SCLY: variants seen among roughly 807,000 people sequenced by gnomAD.
The protein encoded by SCLY is selenocysteine lyase, also known as putative selenocysteine lyase.
In SCLY, 38 loss-of-function variants were observed where a neutral mutation model predicts 50.1. That is an observed-to-expected ratio of 0.76 (90% CI 0.59 to 0.99). SCLY has a LOEUF of 0.99. Among genes scored for constraint, SCLY ranks in the 50% least tolerant of loss-of-function variants. The pLI, the probability that SCLY is intolerant of heterozygous loss-of-function variation, is 0.00. For synonymous variants in SCLY, 243 were observed against 249.4 expected, an observed-to-expected ratio of 0.97 and a Z score of 0.24; for missense variants, 600 against 620.0, an observed-to-expected ratio of 0.97 and a Z score of 0.34.
chr2:238,089,525 A>G (rs2065340044), intron 7 of SCLY, among the ~76,000 whole-genome samples: 1 of 152,200 alleles, frequency 6.6e-6, no homozygotes, highest in African/African-American at 2.4e-5. Flanking sequence ...CCTTGACCCA[A>G]GTCTTACACC....
chr2:238,082,252 T>G (rs2065246226), intron 6 of SCLY, 43 bp downstream of exon 6: 1 of 1,533,382 alleles, frequency 6.5e-7, no homozygotes. Context: ...CAGAGCCTAC[T>G]GCGCAGGTGG....
At position 238,098,554 on chromosome 2, in the gene SCLY, A is replaced by C; in HGVS notation, c.*199A>C. The C allele has an allele frequency of 1.8e-5, 8 of 451,826 alleles. No homozygotes were observed. Among genetic ancestry groups the C allele is most frequent in the Non-Finnish European group, 2.3e-5 (7 of 301,844 alleles). The allele number at this position is 451,826 out of a possible 1,614,324, so 28.0% of individuals were successfully genotyped here. A position where few individuals can be genotyped will look rare whatever the true frequency, so the allele number is the denominator to read the frequency against. On this transcript the variant is annotated 3_prime_UTR_variant, in exon 12 of 12. Transcript: ENST00000254663. ...AGAGCTCACAGGGCCCAGGACACCA[A>C]CGCCGCATAGGACTGCCCACATGGG...
Position 238,069,455 on chromosome 2 carries a change from C to G in SCLY, c.462C>G (p.His154Gln). 6.2e-7 allele frequency: 1 copy of G among 1,612,618 alleles called. No individual in the cohort carries two copies. Among genetic ancestry groups the G allele is most frequent in the Non-Finnish European group, 8.5e-7 (1 of 1,179,318 alleles). Residue 154 changes from histidine (H) to glutamine (Q), a missense_variant, in exon 4 of 12, where the codon CAC becomes CAG. Coordinates refer to ENST00000254663, the MANE Select transcript of SCLY (RefSeq NM_016510.7). This position sits in a 1 kb window ranked among gnomAD's most constrained non-coding sequence, Gnocchi z 5.0. Reference protein sequence around the residue: ...EHDSIRLPLEHLVEEQVAAVT... With the variant: ...EHDSIRLPLEQLVEEQVAAVT... The stretch of plus-strand genomic sequence containing the variant: ...ACTCCATCCGGCTGCCCCTGGAGCA[C>G]CTGGTGGAAGAACAAGTGGCAGGTG...
chr2:238,082,674 T>A (rs1318525383), intron 6 of SCLY: 1 of 183,370 alleles, frequency 5.5e-6, no homozygotes, highest in African/African-American at 2.3e-5. Context: ...ATGGGGAAAA[T>A]AGTTAACAGT....
chr2:238,068,016 T>C, intron 2 of SCLY, 49 bp from the exon 3 acceptor site: 3 of 1,396,116 alleles, frequency 2.1e-6, no homozygotes, highest in East Asian at 2.3e-5. Flanking sequence ...GATGCGTTGA[T>C]TGAGCTTGGT....
In SCLY at chr2:238,096,817, G is replaced by A. The variant is rs760114286; in HGVS notation, c.1125G>A (p.Ala375=). The A allele has an allele frequency of 7.6e-5, 123 of 1,611,152 alleles. No individual in the cohort carries two copies. The South Asian group carries it at 9.8e-4, about 13-fold the overall frequency. The change falls in exon 11 of 12, where the codon GCG becomes GCA. Residue 375 remains alanine, a synonymous_variant. Coordinates refer to ENST00000254663, the MANE Select transcript of SCLY (RefSeq NM_016510.7). ...TCTCCGCAGGCCACGTGGTGCTTGC[G>A]CAGTGCCGAGTGCTGATGGCCAGTG... ...GPRLQGHVVL[A]QCRVLMASVG...
rs1691377130 is a variant in SCLY at position 238,098,949 on chromosome 2, A to G, written c.*594A>G. On this transcript the variant is annotated 3_prime_UTR_variant, in exon 12 of 12. Transcript: ENST00000254663. Reference sequence around the variant, plus strand: ...CCCACCACCCTGCTCCTCTGGCCTCAGTGCACAGTGGCCCCCAGCCTCGGC... The same window carrying G: ...CCCACCACCCTGCTCCTCTGGCCTCGGTGCACAGTGGCCCCCAGCCTCGGC... 2 of 246,042 alleles carry G rather than the reference A, an allele frequency of 8.1e-6. No homozygotes were observed. Among genetic ancestry groups the G allele is most frequent in the East Asian group, 1.2e-4 (1 of 8,610 alleles). 15.2% of individuals were successfully genotyped at this position (246,042 alleles called of 1,614,324 possible).
intron 7 of SCLY, among the ~76,000 whole-genome samples, chr2:238,087,328 T>C (rs2065309310): frequency 6.6e-6 from 1 of 151,956 alleles, no homozygotes; most frequent in Admixed American, 6.6e-5. Flanking sequence ...GGAGTACCAC[T>C]CCAGGCCCTG....
intron 4 of SCLY, among the ~76,000 whole-genome samples, chr2:238,072,921 G>T (rs907196725): frequency 2.6e-5 from 4 of 152,104 alleles, no homozygotes; most frequent in African/African-American, 9.7e-5. Context: ...CTTGTGTCAT[G>T]TCTAAGAAGA....
intron 4 of SCLY, among the ~76,000 whole-genome samples, chr2:238,076,646 C>T (rs1160935220): frequency 6.6e-6 from 1 of 150,954 alleles, no homozygotes; most frequent in Non-Finnish European, 1.5e-5. Flanking sequence ...CTGACCTTCC[C>T]TCCACTATTG....
chr2:238,062,236 C>G (rs1381858121), intron 1 of SCLY, among the ~76,000 whole-genome samples: 1 of 152,168 alleles, frequency 6.6e-6, no homozygotes, highest in Non-Finnish European at 1.5e-5. Context: ...GCTCAACAAA[C>G]ACTAGCTAGC....
intron 2 of SCLY, 168 bp downstream of exon 2, chr2:238,064,637 G>A (rs2065051839): frequency 2.0e-6 from 1 of 495,480 alleles, no homozygotes; most frequent in African/African-American, 2.0e-5. Context: ...GGCCCCATTT[G>A]TAAGCTGAGC....
At chr2:238,077,554 C>A (rs979620326) in intron 4 of SCLY, among the ~76,000 whole-genome samples, 2 of 152,210 alleles carry the variant, frequency 1.3e-5, no homozygotes, top group Non-Finnish European at 2.9e-5. Flanking sequence ...GTAAGACCAC[C>A]TCAGCATAGA....
In SCLY at chr2:238,098,754, G is replaced by A. The variant is rs940876059; in HGVS notation, c.*399G>A. ...CGCCTGTTGTGAGTGCCCTTTCCTG[G>A]AAGGTGTTTTTATCTGGAAGATAGA... On this transcript the variant is annotated 3_prime_UTR_variant, in exon 12 of 12. Transcript: ENST00000254663. 6 of 345,528 alleles carry A rather than the reference G, an allele frequency of 1.7e-5. No individual in the cohort carries two copies. Among genetic ancestry groups the A allele is most frequent in the Admixed American group, 1.4e-4 (3 of 21,018 alleles). 21.4% of individuals were successfully genotyped at this position (345,528 alleles called of 1,614,324 possible). A position where few individuals can be genotyped will look rare whatever the true frequency, so the allele number is the denominator to read the frequency against.
At chr2:238,070,727 C>CCGTA (rs1355806995) in intron 4 of SCLY, among the ~76,000 whole-genome samples, 2 of 152,016 alleles carry the variant, frequency 1.3e-5, no homozygotes, top group African/African-American at 4.8e-5. Flanking sequence ...GAATGCTTGC[C>CCGTA]CGTAGGTAAA....
chr2:238,094,604 C>A, intron 10 of SCLY, 82 bp downstream of exon 10: 1 of 1,186,642 alleles, frequency 8.4e-7, no homozygotes, highest in Non-Finnish European at 1.3e-6. Context: ...CAGTGACTCC[C>A]ACTCGCCCTG....
chr2:238,098,566 A>G lies in SCLY; in HGVS notation c.*211A>G. On this transcript the variant is annotated 3_prime_UTR_variant, in exon 12 of 12. Coordinates refer to ENST00000254663, the MANE Select transcript of SCLY (RefSeq NM_016510.7). Reference sequence around the variant, plus strand: ...GCCCAGGACACCAACGCCGCATAGGACTGCCCACATGGGACCGCCCACATA... The same window carrying G: ...GCCCAGGACACCAACGCCGCATAGGGCTGCCCACATGGGACCGCCCACATA... 2.1e-6 allele frequency: 1 copy of G among 469,796 alleles called. No homozygotes were observed. Among genetic ancestry groups the G allele is most frequent in the Non-Finnish European group, 3.5e-6 (1 of 282,862 alleles). The allele number at this position is 469,796 out of a possible 1,614,324, so 29.1% of individuals were successfully genotyped here. A position where few individuals can be genotyped will look rare whatever the true frequency, so the allele number is the denominator to read the frequency against.
chr2:238,085,244 C>T (rs187899198), intron 7 of SCLY, among the ~76,000 whole-genome samples: 1 of 151,962 alleles, frequency 6.6e-6, no homozygotes, highest in African/African-American at 2.4e-5. Flanking sequence ...AAAGTGTCAG[C>T]AAAGAGAAGG....
At chr2:238,090,532 C>G (rs2065350732) in intron 7 of SCLY, among the ~76,000 whole-genome samples, 1 of 152,132 alleles carries the variant, frequency 6.6e-6, no homozygotes, top group Non-Finnish European at 1.5e-5. Context: ...CCCAGATACT[C>G]AGGAAGCTGA....
Sources: gnomAD v4.1 joint callset for allele counts (sites outside exome capture counted in the v4.1 genomes callset) on GRCh38, gnomAD v4.1.1 for gene constraint, Gnocchi (gnomAD v3.1) non-coding constraint, MANE v1.5 for transcripts, NCBI Gene and HGNC (gene_info 2026-07-23, HGNC 2026-07-21) for gene names.